PEPD: variants seen among roughly 807,000 people sequenced by gnomAD.
PEPD encodes the protein peptidase D, also known as xaa-Pro dipeptidase.
PEPD carries 53 observed loss-of-function variants against 60.7 expected under a neutral mutation model. That is an observed-to-expected ratio of 0.87 (90% CI 0.70 to 1.10). The LOEUF (loss-of-function observed/expected upper bound fraction) is 1.10, where lower values mean the gene tolerates loss of function less well. PEPD is among the 50% of genes least tolerant of loss of function. The pLI is 0.00. For synonymous variants in PEPD, 267 were observed against 284.1 expected (o/e 0.94, Z 0.60); for missense variants, 711 against 711.9 (o/e 1.00, Z 0.01).
chr19:33,490,748 C>A (rs1970482890), intron 5 of PEPD, among the ~76,000 whole-genome samples: 2 of 152,194 alleles, frequency 1.3e-5, no homozygotes, highest in Non-Finnish European at 1.5e-5. Flanking sequence ...ACCTCAGCCT[C>A]CACCTCCCAA....
At chr19:33,519,864 G>C (rs1225351515) in intron 1 of PEPD, among the ~76,000 whole-genome samples, 3 of 152,062 alleles carry the variant, frequency 2.0e-5, no homozygotes, top group Non-Finnish European at 4.4e-5. Flanking sequence ...TCAGGAGTTC[G>C]AGACCAGTCT....
chr19:33,415,566 G>C (rs1261961750), intron 9 of PEPD, among the ~76,000 whole-genome samples: 2 of 152,058 alleles, frequency 1.3e-5, no homozygotes, highest in Admixed American at 6.5e-5. Context: ...AGGCAGTGAG[G>C]AAACTTGGCT....
intron 6 of PEPD, among the ~76,000 whole-genome samples, chr19:33,479,305 GA>G (rs1568492234): frequency 6.6e-6 from 1 of 151,772 alleles, no homozygotes; most frequent in Non-Finnish European, 1.5e-5. Flanking sequence ...AAGACATATA[GA>G]AAACTAATTT....
chr19:33,395,818 C>A (rs1279377025), intron 12 of PEPD, among the ~76,000 whole-genome samples: 3 of 152,222 alleles, frequency 2.0e-5, no homozygotes, highest in Non-Finnish European at 2.9e-5. Flanking sequence ...GTGAGCCAGG[C>A]TCTAGGGGTG....
intron 9 of PEPD, among the ~76,000 whole-genome samples, chr19:33,431,278 A>C (rs1267508156): frequency 2.0e-5 from 3 of 152,128 alleles, no homozygotes; most frequent in Non-Finnish European, 4.4e-5. Flanking sequence ...GAAAAGAAAG[A>C]AAAGCAATTC....
chr19:33,506,518 T>A (rs1970815331), intron 3 of PEPD, among the ~76,000 whole-genome samples: 1 of 113,372 alleles, frequency 8.8e-6, no homozygotes, highest in Non-Finnish European at 1.8e-5. Flanking sequence ...ATACACACCC[T>A]CACATGCACC....
intron 9 of PEPD, among the ~76,000 whole-genome samples, chr19:33,450,693 C>A (rs1969681253): frequency 6.6e-6 from 1 of 151,946 alleles, no homozygotes; most frequent in African/African-American, 2.4e-5. Context: ...TAAGACAATG[C>A]AAATGTTGAA....
In PEPD at chr19:33,401,707, G is replaced by T; in HGVS notation, c.967+14C>A. 6.2e-7 allele frequency: 1 copy of T among 1,602,064 alleles called. No individual in the cohort carries two copies. The highest frequency in any genetic ancestry group is 8.5e-7 in the Non-Finnish European group (1 of 1,175,064). On this transcript the variant is annotated intron_variant, in intron 12 of 14. Transcript: ENST00000244137. ...CACGTCAGATGCGCCTCCCCCCACC[G>T]ACCCGCTGCTCACCTGGCTTCATGG...
intron 9 of PEPD, among the ~76,000 whole-genome samples, chr19:33,443,060 G>A (rs1422758152): frequency 2.0e-5 from 3 of 152,100 alleles, no homozygotes; most frequent in African/African-American, 7.2e-5. Flanking sequence ...AAAGAAACTC[G>A]GTACCCATCT....
intron 12 of PEPD, among the ~76,000 whole-genome samples, chr19:33,394,541 T>C (rs1968319539): frequency 6.6e-6 from 1 of 152,232 alleles, no homozygotes; most frequent in Non-Finnish European, 1.5e-5. Flanking sequence ...TCCAGCAACT[T>C]GGCCCCAGCC....
At chr19:33,392,743 G>C (rs539064086) in intron 12 of PEPD, among the ~76,000 whole-genome samples, 13 of 152,354 alleles carry the variant, frequency 8.5e-5, no homozygotes, top group African/African-American at 2.9e-4. Flanking sequence ...GAGGGGCCGG[G>C]GAGACCCTGA....
At chr19:33,469,089 A>G (rs1312931276) in intron 7 of PEPD, among the ~76,000 whole-genome samples, 8 of 152,128 alleles carry the variant, frequency 5.3e-5, no homozygotes, top group Non-Finnish European at 1.0e-4. Context: ...TGCAGTGATG[A>G]TCACTGGGTG....
intron 12 of PEPD, 103 bp from the exon 13 acceptor site, chr19:33,391,582 G>A (rs2145328055): frequency 3.6e-6 from 4 of 1,106,124 alleles, no homozygotes; most frequent in Admixed American, 4.0e-5. Context: ...TGTGGTGGGA[G>A]GGCCTGAGGT....
At chr19:33,446,715 C>T (rs1222549989) in intron 9 of PEPD, among the ~76,000 whole-genome samples, 3 of 152,224 alleles carry the variant, frequency 2.0e-5, no homozygotes, top group South Asian at 2.1e-4. Context: ...GGCTGCTCAC[C>T]ACCCAGAGGG....
chr19:33,459,491 G>A (rs12986227), intron 9 of PEPD, among the ~76,000 whole-genome samples: 19,009 of 152,138 alleles, frequency 0.12, 1,607 homozygotes, highest in Non-Finnish European at 0.19. Context: ...AATAGGAGGC[G>A]GAAAAACGGA....
chr19:33,428,337 G>A (rs768827347), intron 9 of PEPD, among the ~76,000 whole-genome samples: 2 of 152,080 alleles, frequency 1.3e-5, no homozygotes, highest in Non-Finnish European at 2.9e-5. Flanking sequence ...CCCTCTTCCA[G>A]GACCCACAGC....
At chr19:33,508,423 C>T (rs1218455199) in intron 3 of PEPD, among the ~76,000 whole-genome samples, 2 of 152,132 alleles carry the variant, frequency 1.3e-5, no homozygotes, top group African/African-American at 4.8e-5. Context: ...GTCCCAGTTA[C>T]AACGGCTGGG....
chr19:33,438,549 G>C (rs1238895870), intron 9 of PEPD, among the ~76,000 whole-genome samples: 1 of 152,232 alleles, frequency 6.6e-6, no homozygotes, highest in Non-Finnish European at 1.5e-5. Context: ...CCCAGGACTG[G>C]AGTGGCCCTG....
At chr19:33,426,591 G>A (rs965244052) in intron 9 of PEPD, among the ~76,000 whole-genome samples, 1 of 152,212 alleles carries the variant, frequency 6.6e-6, no homozygotes, top group Non-Finnish European at 1.5e-5. Context: ...TGTCCACATG[G>A]ACTCACAGCC....
Sources: allele counts gnomAD v4.1 joint callset (sites outside exome capture counted in the v4.1 genomes callset), GRCh38; gene constraint gnomAD v4.1.1; transcripts MANE v1.5; gene names NCBI Gene and HGNC (gene_info 2026-07-23, HGNC 2026-07-21).